The following TENM3 variants were observed in gnomAD, a reference collection of about 807,000 sequenced individuals.
TENM3 encodes teneurin transmembrane protein 3, also known as teneurin-3.
TENM3 carries 63 observed loss-of-function variants against 255.1 expected under a neutral mutation model. That is an observed-to-expected ratio of 0.25 (90% CI 0.20 to 0.30). The LOEUF (loss-of-function observed/expected upper bound fraction) is 0.30. Ranked by LOEUF, TENM3 falls within the 10% of genes least tolerant of loss-of-function variation. The pLI is 1.00. For missense variants in TENM3, 2,929 were observed against 3,461.1 expected, an observed-to-expected ratio of 0.85 and a Z score of 3.86; for synonymous variants, 1,306 against 1,322.3, an observed-to-expected ratio of 0.99 and a Z score of 0.27.
intron 1 of TENM3, among the ~76,000 whole-genome samples, chr4:182,203,482 C>T (rs1348758974): frequency 2.6e-5 from 4 of 152,114 alleles, no homozygotes; most frequent in African/African-American, 7.2e-5. Context: ...ATTTTTGGAG[C>T]GCTGAGAGCT....
In TENM3 at chr4:182,792,041, C is replaced by T. The variant is rs533799895; in HGVS notation, c.5602-233C>T. On this transcript the variant is annotated intron_variant, in intron 25 of 27. Transcript: ENST00000511685. The surrounding 1 kb of genome is among the most constrained non-coding windows in gnomAD (Gnocchi z 6.3). ...ATGTCTGGGAAAATAATGGTACTGTCGTGACAGGCAGCACATTGTGAATCT... is the reference window on the plus strand; with the variant it reads ...ATGTCTGGGAAAATAATGGTACTGTTGTGACAGGCAGCACATTGTGAATCT... Among the ~76,000 whole-genome samples, 8 of 152,244 alleles carry T rather than the reference C, an allele frequency of 5.3e-5. No homozygotes were observed. The South Asian group carries it at 1.2e-3, about 24-fold the overall frequency.
chr4:181,905,002 T>A, the TENM3 span, among the ~76,000 whole-genome samples: 1 of 152,178 alleles, frequency 6.6e-6, no homozygotes, highest in Non-Finnish European at 1.5e-5. Context: ...GCTCCTCCCT[T>A]ACCTTCTGCC....
the TENM3 span, among the ~76,000 whole-genome samples, chr4:181,451,780 T>C: frequency 6.6e-6 from 1 of 152,208 alleles, no homozygotes; most frequent in Non-Finnish European, 1.5e-5. Flanking sequence ...GCATATATCC[T>C]GAAAAAAGTT....
At chr4:182,755,447 C>T (rs943763584) in intron 22 of TENM3, 188 bp downstream of exon 22, 135 of 559,200 alleles carry the variant, frequency 2.4e-4, no homozygotes, top group Admixed American at 9.4e-4. Context: ...GAGGCTGAGA[C>T]GGGAGGATTG....
chr4:182,758,758 A>G (rs2152761459), intron 22 of TENM3, among the ~76,000 whole-genome samples: 1 of 152,256 alleles, frequency 6.6e-6, no homozygotes, highest in Non-Finnish European at 1.5e-5. Context: ...CCAGAGTGTC[A>G]CCAAAACCAC....
At chr4:182,062,852 C>T in the TENM3 span, among the ~76,000 whole-genome samples, 11 of 152,150 alleles carry the variant, frequency 7.2e-5, no homozygotes, top group East Asian at 5.8e-4. Flanking sequence ...CAGACTATAT[C>T]GATATGGCTC....
the TENM3 span, among the ~76,000 whole-genome samples, chr4:181,511,225 A>G: frequency 4.6e-5 from 7 of 152,190 alleles, no homozygotes; most frequent in Non-Finnish European, 8.8e-5. Context: ...CGTAAGAGGA[A>G]CAGCTATTTT....
chr4:182,375,428 T>C (rs1767106959), intron 3 of TENM3, among the ~76,000 whole-genome samples: 1 of 152,202 alleles, frequency 6.6e-6, no homozygotes, highest in African/African-American at 2.4e-5. Flanking sequence ...GAGAGAAACT[T>C]AGTCTTAGGC....
the TENM3 span, among the ~76,000 whole-genome samples, chr4:181,569,180 C>T: frequency 1.2e-4 from 18 of 152,042 alleles, no homozygotes; most frequent in African/African-American, 4.3e-4. Context: ...AAATAAAAAA[C>T]AGCAACAACA....
intron 3 of TENM3, among the ~76,000 whole-genome samples, chr4:182,476,684 G>C (rs889526917): frequency 1.4e-4 from 21 of 152,164 alleles, no homozygotes; most frequent in Admixed American, 9.8e-4. Flanking sequence ...AACTGCAGAA[G>C]TGAACTTTTA....
intron 6 of TENM3, among the ~76,000 whole-genome samples, chr4:182,655,146 A>T (rs1753647577): frequency 6.6e-6 from 1 of 152,200 alleles, no homozygotes; most frequent in Admixed American, 6.5e-5. Context: ...CATTAATAAC[A>T]TATATAAACA....
the TENM3 span, among the ~76,000 whole-genome samples, chr4:182,099,694 G>A: frequency 2.0e-5 from 3 of 152,244 alleles, no homozygotes; most frequent in Non-Finnish European, 4.4e-5. Flanking sequence ...AGATCACAGG[G>A]CCTGCGAAGA....
intron 1 of TENM3, among the ~76,000 whole-genome samples, chr4:182,258,648 T>A (rs1013090035): frequency 1.3e-5 from 2 of 152,256 alleles, no homozygotes; most frequent in African/African-American, 4.8e-5. Flanking sequence ...AGTTTCACCT[T>A]GTGTTACTTG....
intron 3 of TENM3, among the ~76,000 whole-genome samples, chr4:182,361,997 G>T (rs892832446): frequency 3.3e-5 from 5 of 152,312 alleles, no homozygotes; most frequent in African/African-American, 9.6e-5. Context: ...GACCCTGTTT[G>T]CCTGGGTATC....
the TENM3 span, among the ~76,000 whole-genome samples, chr4:181,721,946 C>T: frequency 1.3e-5 from 2 of 152,100 alleles, no homozygotes; most frequent in African/African-American, 4.8e-5. Context: ...TGCATGTGGA[C>T]TTACCACTAA....
At chr4:182,398,864 C>G (rs1334692272) in intron 3 of TENM3, among the ~76,000 whole-genome samples, 1 of 152,138 alleles carries the variant, frequency 6.6e-6, no homozygotes, top group Non-Finnish European at 1.5e-5. Flanking sequence ...AGTCAGAAGA[C>G]CTGAACTGTG....
intron 3 of TENM3, among the ~76,000 whole-genome samples, chr4:182,584,389 A>G (rs1430697741): frequency 1.3e-5 from 2 of 152,108 alleles, no homozygotes; most frequent in Non-Finnish European, 2.9e-5. Flanking sequence ...ACATTTTTAC[A>G]TGTTTTTGGT....
chr4:182,334,315 T>C (rs1426473309), intron 2 of TENM3, among the ~76,000 whole-genome samples: 1 of 152,170 alleles, frequency 6.6e-6, no homozygotes, highest in African/African-American at 2.4e-5. Flanking sequence ...TCAATGTTTT[T>C]GGATGGGAAG....
chr4:182,193,345 C>T (rs78839880), intron 1 of TENM3, among the ~76,000 whole-genome samples: 6,444 of 152,244 alleles, frequency 0.042, 169 homozygotes, highest in Middle Eastern at 0.075. Context: ...AATTAAAGCT[C>T]GGAAACCTTT....
Sources: gnomAD v4.1 joint callset for allele counts (sites outside exome capture counted in the v4.1 genomes callset) on GRCh38, gnomAD v4.1.1 for gene constraint, Gnocchi (gnomAD v3.1) non-coding constraint, MANE v1.5 for transcripts, NCBI Gene and HGNC (gene_info 2026-07-23, HGNC 2026-07-21) for gene names.